Variants in PPM1L observed in about 807,000 individuals in gnomAD.
PPM1L encodes the protein protein phosphatase 1L.
In PPM1L, 13 loss-of-function variants were observed where a neutral mutation model predicts 31.4. That is an observed-to-expected ratio of 0.41 (90% CI 0.27 to 0.66). PPM1L has a LOEUF of 0.66. PPM1L is among the 30% of genes least tolerant of loss of function. The pLI is 0.29. For synonymous variants in PPM1L, 184 were observed against 175.4 expected, an observed-to-expected ratio of 1.05 and a Z score of -0.39; for missense variants, 326 against 453.7, an observed-to-expected ratio of 0.72 and a Z score of 2.56.
At chr3:160,976,368 T>A (rs1716576911) in intron 2 of PPM1L, among the ~76,000 whole-genome samples, 1 of 142,346 alleles carries the variant, frequency 7.0e-6, no homozygotes, top group African/African-American at 2.6e-5. Context: ...GGCTTTGGTA[T>A]CAGGATGATG....
intron 2 of PPM1L, among the ~76,000 whole-genome samples, chr3:161,043,119 C>G (rs962536450): frequency 6.6e-6 from 1 of 151,266 alleles, no homozygotes; most frequent in Non-Finnish European, 1.5e-5. Context: ...GAAAAACTAC[C>G]TGAAGAAGCC....
intron 1 of PPM1L, among the ~76,000 whole-genome samples, chr3:160,863,955 T>G (rs1271409540): frequency 6.6e-6 from 1 of 152,140 alleles, no homozygotes; most frequent in East Asian, 1.9e-4. Context: ...TAGATGGATA[T>G]AGGTAGATGA....
chr3:160,770,527 T>A (rs116108210), intron 1 of PPM1L, among the ~76,000 whole-genome samples: 2,524 of 152,282 alleles, frequency 0.017, 66 homozygotes, highest in African/African-American at 0.057. Context: ...CTTATATAGA[T>A]GTAATGGTAA....
chr3:160,989,932 C>T lies in PPM1L; in HGVS notation c.574+28022C>T, dbSNP rs144815199. ...CTCCTGCCTTGGCCTCCCAAAGTTC[C>T]AGCATTACAGGCATGAGCCAGTGCA... On this transcript the variant is annotated intron_variant, in intron 2 of 3. Coordinates refer to ENST00000498165, the MANE Select transcript of PPM1L (RefSeq NM_139245.4). Among the ~76,000 whole-genome samples the T allele has an allele frequency of 5.3e-3, 798 of 151,960 alleles. 6 individuals are homozygous for T. Among genetic ancestry groups the T allele is most frequent in the Non-Finnish European group, 8.1e-3 (551 of 67,984 alleles).
At chr3:160,906,937 G>T (rs1023030860) in intron 1 of PPM1L, among the ~76,000 whole-genome samples, 1 of 152,192 alleles carries the variant, frequency 6.6e-6, no homozygotes, top group East Asian at 1.9e-4. Context: ...GAGCAAGACA[G>T]AGTACTTAAG....
rs1713302953 is a variant in PPM1L, at chr3:160,824,605, G to A, written c.399+67898G>A. ...GACAGTTGCAGGCCCTTGGGCATGA[G>A]GGGTGCCATATGAGAGAATACGGAT... On this transcript the variant is annotated intron_variant, in intron 1 of 3. Coordinates refer to ENST00000498165, the MANE Select transcript of PPM1L (RefSeq NM_139245.4). Among the ~76,000 whole-genome samples, 3 of 152,166 alleles carry A rather than the reference G, an allele frequency of 2.0e-5. No individual in the cohort carries two copies. The South Asian group carries it at 6.2e-4, about 31-fold the overall frequency.
intron 2 of PPM1L, among the ~76,000 whole-genome samples, chr3:160,998,859 T>C (rs1445282228): frequency 1.3e-5 from 2 of 152,194 alleles, no homozygotes; most frequent in South Asian, 4.1e-4. Context: ...TTCATAATTG[T>C]ATTTATTAGT....
Position 161,078,142 on chromosome 3 carries a change from TTTAG to T in PPM1L, c.*8987_*8990del, listed in dbSNP as rs1720168006. 6.6e-6 allele frequency: 1 copy of T among 152,152 alleles called. No homozygotes were observed. The highest frequency in any genetic ancestry group is 2.4e-5 in the African/African-American group (1 of 41,434). The allele number at this position is 152,152 out of a possible 1,614,324, so 9.4% of individuals were successfully genotyped here. On this transcript the variant is annotated 3_prime_UTR_variant, in exon 4 of 4. Transcript: ENST00000498165. ...CAAATGAAACCAAGCCAATTTCTGA[TTTAG>T]TAAGATTAAAACCATAGATGGAGCT...
At chr3:160,860,533 A>G (rs1711850873) in intron 1 of PPM1L, among the ~76,000 whole-genome samples, 1 of 152,210 alleles carries the variant, frequency 6.6e-6, no homozygotes, top group Non-Finnish European at 1.5e-5. Context: ...GTAATAAGGC[A>G]TCCAGCTGGC....
intron 1 of PPM1L, among the ~76,000 whole-genome samples, chr3:160,857,529 A>G (rs762426078): frequency 6.4e-4 from 98 of 152,156 alleles, no homozygotes; most frequent in Non-Finnish European, 1.2e-3. Flanking sequence ...GGCTGGGACC[A>G]TATGGTTTTC....
intron 2 of PPM1L, among the ~76,000 whole-genome samples, chr3:160,985,749 TA>T (rs34693738): frequency 0.47 from 71,598 of 151,884 alleles, 18,183 homozygotes; most frequent in East Asian, 0.7. Flanking sequence ...CCTGAATTGA[TA>T]ATGCTGTGCA....
At chr3:161,064,335 C>G (rs1037608383) in intron 2 of PPM1L, among the ~76,000 whole-genome samples, 1 of 150,810 alleles carries the variant, frequency 6.6e-6, no homozygotes, top group Non-Finnish European at 1.5e-5. Context: ...ACACTGCTCC[C>G]TAGCCTAGAT....
intron 2 of PPM1L, among the ~76,000 whole-genome samples, chr3:161,029,124 G>A (rs961730477): frequency 1.3e-5 from 2 of 152,138 alleles, no homozygotes; most frequent in African/African-American, 4.8e-5. Flanking sequence ...TCTAATGGCC[G>A]CTCAAATATC....
At chr3:160,980,730 G>GAGAA (rs1559912365) in intron 2 of PPM1L, among the ~76,000 whole-genome samples, 331 of 140,798 alleles carry the variant, frequency 2.4e-3, no homozygotes, top group African/African-American at 8.3e-3. Flanking sequence ...GAGAGAGAGA[G>GAGAA]AAAAAGAAAG....
rs191884752 is a variant in PPM1L, at chr3:160,856,247, C to T, written c.399+99540C>T. Among the ~76,000 whole-genome samples the T allele has an allele frequency of 6.8e-3, 1,032 of 152,110 alleles. 9 individuals are homozygous for T. Among genetic ancestry groups the T allele is most frequent in the Non-Finnish European group, 0.011 (781 of 67,992 alleles). ...CTTTGGCAACACCCTCACAGGCACA[C>T]CCAGGAACAATACTTTATATCCTTC... On this transcript the variant is annotated intron_variant, in intron 1 of 3. Transcript: ENST00000498165.
intron 1 of PPM1L, among the ~76,000 whole-genome samples, chr3:160,961,399 G>A (rs1164054340): frequency 6.6e-6 from 1 of 152,072 alleles, no homozygotes; most frequent in Non-Finnish European, 1.5e-5. Flanking sequence ...TGTAGACAAG[G>A]GCAAGTCAAA....
chr3:160,990,117 A>G (rs1265313698), intron 2 of PPM1L, among the ~76,000 whole-genome samples: 1 of 152,004 alleles, frequency 6.6e-6, no homozygotes, highest in African/African-American at 2.4e-5. Context: ...GCCTCAGCCT[A>G]CCAAGTAGCT....
At chr3:160,955,339 G>A (rs1273223791) in intron 1 of PPM1L, among the ~76,000 whole-genome samples, 1 of 151,784 alleles carries the variant, frequency 6.6e-6, no homozygotes, top group East Asian at 1.9e-4. Flanking sequence ...TTTAAAATTG[G>A]TCTTTAAATT....
chr3:160,777,737 C>A (rs1177278550), intron 1 of PPM1L, among the ~76,000 whole-genome samples: 2 of 152,098 alleles, frequency 1.3e-5, no homozygotes, highest in Non-Finnish European at 2.9e-5. Flanking sequence ...TGTGTATATA[C>A]CACATTTTGT....
Sources: allele counts gnomAD v4.1 joint callset (sites outside exome capture counted in the v4.1 genomes callset), GRCh38; gene constraint gnomAD v4.1.1; transcripts MANE v1.5; gene names NCBI Gene and HGNC (gene_info 2026-07-23, HGNC 2026-07-21).